Variants in BCAS3 observed in about 807,000 individuals in gnomAD.
The protein encoded by BCAS3 is BCAS4/BCAS3 fusion.
Under a neutral mutation model 116.1 loss-of-function variants are expected in BCAS3, and 53 were observed. That is an observed-to-expected ratio of 0.46 (90% CI 0.37 to 0.57). The LOEUF (loss-of-function observed/expected upper bound fraction) is 0.57. BCAS3 is among the 20% of genes least tolerant of loss of function. BCAS3 has a pLI of 0.00. For synonymous variants in BCAS3, 391 were observed against 408.2 expected, an observed-to-expected ratio of 0.96 and a Z score of 0.51; for missense variants, 917 against 1,165.4, an observed-to-expected ratio of 0.79 and a Z score of 3.10.
Position 61,056,275 on chromosome 17 carries a change from G to A in BCAS3, c.2029+15383G>A, listed in dbSNP as rs2069374791. On this transcript the variant is annotated intron_variant, in intron 19 of 23. Transcript: ENST00000407086. This position sits in a 1 kb window ranked among gnomAD's most constrained non-coding sequence, Gnocchi z 4.9. ...GAGCTTTACATGGTGTCAACTGAAG[G>A]ACAGCCTTCCGCGAGTTGGAGTCTT... Among the ~76,000 whole-genome samples the A allele has an allele frequency of 6.6e-6, 1 of 152,194 alleles. No homozygotes were observed. Among genetic ancestry groups the A allele is most frequent in the South Asian group, 2.1e-4 (1 of 4,828 alleles).
At chr17:61,296,255 G>A (rs2052896911) in intron 22 of BCAS3, among the ~76,000 whole-genome samples, 1 of 152,154 alleles carries the variant, frequency 6.6e-6, no homozygotes, top group Admixed American at 6.5e-5. Context: ...CCAAGTTCCT[G>A]GTGGTTACCT....
At position 61,346,116 on chromosome 17, in the gene BCAS3, A is replaced by G. The variant is rs2057489848; in HGVS notation, c.2426-22211A>G. ...AGAAGGTAACAGCGGGGTAGGTGCC[A>G]TAATCCTTGTTGAAGTCGAGGAGTT... On this transcript the variant is annotated intron_variant, in intron 22 of 23. Transcript: ENST00000407086. This position sits in a 1 kb window ranked among gnomAD's most constrained non-coding sequence, Gnocchi z 5.4. Among the ~76,000 whole-genome samples the G allele has an allele frequency of 6.6e-6, 1 of 152,172 alleles. No individual in the cohort carries two copies. The highest frequency in any genetic ancestry group is 2.4e-5 in the African/African-American group (1 of 41,432).
At position 61,208,282 on chromosome 17, in the gene BCAS3, C is replaced by T. The variant is rs960774848; in HGVS notation, c.2425+123718C>T. ...TCACTGTGTTTCATTTTGTCTAAAGCGGGACTCTTCTCCTCCCAGGGACCA... is the reference window on the plus strand; with the variant it reads ...TCACTGTGTTTCATTTTGTCTAAAGTGGGACTCTTCTCCTCCCAGGGACCA... On this transcript the variant is annotated intron_variant, in intron 22 of 23. Transcript: ENST00000407086. The surrounding 1 kb of genome is among the most constrained non-coding windows in gnomAD (Gnocchi z 4.5). 1.2e-4 allele frequency among the ~76,000 whole-genome samples: 18 copies of T among 152,188 alleles called. No homozygotes were observed. The highest frequency in any genetic ancestry group is 3.1e-4 in the African/African-American group (13 of 41,502).
intron 22 of BCAS3, among the ~76,000 whole-genome samples, chr17:61,304,457 T>C (rs1602545873): frequency 6.6e-6 from 1 of 152,250 alleles, no homozygotes; most frequent in East Asian, 1.9e-4. Context: ...ATATTAGTCA[T>C]ATACTATTTC....
chr17:61,188,572 T>C lies in BCAS3; in HGVS notation c.2425+104008T>C, dbSNP rs182334444. On this transcript the variant is annotated intron_variant, in intron 22 of 23. Coordinates refer to ENST00000407086, the MANE Select transcript of BCAS3 (RefSeq NM_017679.5). The surrounding 1 kb of genome is among the most constrained non-coding windows in gnomAD (Gnocchi z 4.0). ...AAACAACTTTATTGTTATTGGTGAT[T>C]CTCTTTCTTTTTCTCTAAACCTTAG... Among the ~76,000 whole-genome samples, 24 of 152,354 alleles carry C rather than the reference T, an allele frequency of 1.6e-4. No homozygotes were observed. The highest frequency in any genetic ancestry group is 1.6e-3 in the Admixed American group (24 of 15,306).
intron 10 of BCAS3, among the ~76,000 whole-genome samples, chr17:60,894,082 A>G (rs1599499930): frequency 6.6e-6 from 1 of 151,868 alleles, no homozygotes; most frequent in Non-Finnish European, 1.5e-5. Flanking sequence ...TTGCTTCCCT[A>G]TGAACTTTAG....
chr17:60,788,297 G>A (rs1271022129), intron 6 of BCAS3, among the ~76,000 whole-genome samples: 4 of 152,056 alleles, frequency 2.6e-5, no homozygotes, highest in Non-Finnish European at 5.9e-5. Flanking sequence ...ACAAGAATTT[G>A]GACAAGTTAT....
rs1364804537 is a variant in BCAS3, at chr17:61,144,006, A to C, written c.2425+59442A>C. ...TTTTTTTCTGAAATACTAAATTCCC[A>C]TAACCTATGCAAATTACATTTTAGG... On this transcript the variant is annotated intron_variant, in intron 22 of 23. Coordinates refer to ENST00000407086, the MANE Select transcript of BCAS3 (RefSeq NM_017679.5). This position sits in a 1 kb window ranked among gnomAD's most constrained non-coding sequence, Gnocchi z 5.0. Among the ~76,000 whole-genome samples the C allele has an allele frequency of 1.3e-5, 2 of 152,210 alleles. No individual in the cohort carries two copies. Among genetic ancestry groups the C allele is most frequent in the East Asian group, 3.8e-4 (2 of 5,200 alleles).
At position 61,088,785 on chromosome 17, in the gene BCAS3, G is replaced by C. The variant is rs781714554; in HGVS notation, c.2425+4221G>C. ...ACAAAGAACTCAGATAATTGAGATC[G>C]AAAGACAAACTTATGCGTGACTCAT... is the stretch of plus-strand genomic sequence containing the variant. On this transcript the variant is annotated intron_variant, in intron 22 of 23. Transcript: ENST00000407086. This position sits in a 1 kb window ranked among gnomAD's most constrained non-coding sequence, Gnocchi z 4.2. 1.1e-4 allele frequency among the ~76,000 whole-genome samples: 17 copies of C among 152,182 alleles called. No individual in the cohort carries two copies. Among genetic ancestry groups the C allele is most frequent in the Non-Finnish European group, 1.9e-4 (13 of 68,040 alleles).
At chr17:61,002,412 A>G (rs2145482278) in intron 15 of BCAS3, 1 of 152,166 alleles carries the variant, frequency 6.6e-6, no homozygotes, top group East Asian at 1.9e-4. Flanking sequence ...TAAACTCCAG[A>G]TTTCAAAATA....
At chr17:61,168,225 T>G (rs1269962412) in intron 22 of BCAS3, among the ~76,000 whole-genome samples, 1 of 152,118 alleles carries the variant, frequency 6.6e-6, no homozygotes, top group Non-Finnish European at 1.5e-5. Flanking sequence ...CTTCCACAAT[T>G]TCCCCTCTGT....
intron 6 of BCAS3, 28 bp from the exon 7 acceptor site, chr17:60,807,976 T>C: frequency 1.3e-6 from 2 of 1,502,796 alleles, no homozygotes. Flanking sequence ...TCCTCAAAGC[T>C]TACAATTTAT....
intron 6 of BCAS3, among the ~76,000 whole-genome samples, chr17:60,762,904 A>G (rs1178055334): frequency 6.6e-6 from 1 of 151,660 alleles, no homozygotes; most frequent in Non-Finnish European, 1.5e-5. Flanking sequence ...CTTCTTGAAG[A>G]GGTCCTTCAC....
chr17:60,777,621 G>C (rs1428538693), intron 6 of BCAS3, among the ~76,000 whole-genome samples: 1 of 151,806 alleles, frequency 6.6e-6, no homozygotes, highest in Non-Finnish European at 1.5e-5. Flanking sequence ...GCGCGACTCT[G>C]TCTCCAAAAA....
chr17:61,344,307 A>G lies in BCAS3; in HGVS notation c.2426-24020A>G, dbSNP rs1204981409. Reference sequence around the variant, plus strand: ...TCTTACCAGTTGCTTCTCTTTTGTCAGAGACATGGGCCTCTTCAACCAAGT... The same window carrying G: ...TCTTACCAGTTGCTTCTCTTTTGTCGGAGACATGGGCCTCTTCAACCAAGT... On this transcript the variant is annotated intron_variant, in intron 22 of 23. Transcript: ENST00000407086. This position sits in a 1 kb window ranked among gnomAD's most constrained non-coding sequence, Gnocchi z 4.1. Among the ~76,000 whole-genome samples, 1 of 151,790 alleles carries G rather than the reference A, an allele frequency of 6.6e-6. No homozygotes were observed. The highest frequency in any genetic ancestry group is 1.5e-5 in the Non-Finnish European group (1 of 67,996).
At position 61,239,390 on chromosome 17, in the gene BCAS3, G is replaced by T. The variant is rs527436611; in HGVS notation, c.2426-128937G>T. Among the ~76,000 whole-genome samples, 3 of 152,156 alleles carry T rather than the reference G, an allele frequency of 2.0e-5. No homozygotes were observed. The highest frequency in any genetic ancestry group is 7.2e-5 in the African/African-American group (3 of 41,428). On this transcript the variant is annotated intron_variant, in intron 22 of 23. Coordinates refer to ENST00000407086, the MANE Select transcript of BCAS3 (RefSeq NM_017679.5). The surrounding 1 kb of genome is among the most constrained non-coding windows in gnomAD (Gnocchi z 4.2). ...CAGATTTTCAGCTTTTTGTTTTGGG[G>T]TTTTTTGTTTTGTTTTTAATTCAAT...
At chr17:61,176,987 A>G (rs1051553603) in intron 22 of BCAS3, among the ~76,000 whole-genome samples, 15 of 152,224 alleles carry the variant, frequency 9.9e-5, no homozygotes, top group Non-Finnish European at 2.2e-4. Context: ...TTGCAAATTA[A>G]AACAAAAATG....
rs1450350610 is a variant in BCAS3 at position 61,131,726 on chromosome 17, G to A, written c.2425+47162G>A. On this transcript the variant is annotated intron_variant, in intron 22 of 23. Transcript: ENST00000407086. This position sits in a 1 kb window ranked among gnomAD's most constrained non-coding sequence, Gnocchi z 4.4. ...CTTGCGGTGTGGATTCTGATTTATC[G>A]CAGACCAGAGCTGCCCCTTAGGGGC... 6.6e-6 allele frequency among the ~76,000 whole-genome samples: 1 copy of A among 152,050 alleles called. No individual in the cohort carries two copies. Among genetic ancestry groups the A allele is most frequent in the Non-Finnish European group, 1.5e-5 (1 of 68,006 alleles).
intron 9 of BCAS3, chr17:60,887,590 C>T (rs2056811492): frequency 6.6e-6 from 1 of 152,176 alleles, no homozygotes; most frequent in South Asian, 2.1e-4. Context: ...GTAGTCCCAG[C>T]ACCGTTTGTT....
Sources: allele counts gnomAD v4.1 joint callset (sites outside exome capture counted in the v4.1 genomes callset), GRCh38; gene constraint gnomAD v4.1.1; non-coding constraint Gnocchi (gnomAD v3.1); transcripts MANE v1.5; gene names NCBI Gene and HGNC (gene_info 2026-07-23, HGNC 2026-07-21).